Variants in ARHGEF28 observed in about 807,000 individuals in gnomAD.
ARHGEF28 encodes the protein Rho guanine nucleotide exchange factor 28.
A neutral mutation model predicts 206.6 loss-of-function variants in ARHGEF28; 152 were observed. The observed-to-expected ratio is 0.74, with a 90% CI of 0.64 to 0.84. The LOEUF is 0.84. Among genes scored for constraint, ARHGEF28 ranks in the 40% least tolerant of loss-of-function variants. ARHGEF28 has a pLI of 0.00. For missense variants in ARHGEF28, 2,028 were observed against 2,073.2 expected (o/e 0.98, Z 0.42); for synonymous variants, 763 against 776.4 (o/e 0.98, Z 0.29).
intron 2 of ARHGEF28, among the ~76,000 whole-genome samples, chr5:73,728,479 G>A (rs1208118429): frequency 6.6e-6 from 1 of 152,128 alleles, no homozygotes; most frequent in Non-Finnish European, 1.5e-5. Context: ...TTTAAATTAT[G>A]AAATATTGGA....
intron 11 of ARHGEF28, among the ~76,000 whole-genome samples, chr5:73,842,278 T>C (rs1281196668): frequency 6.6e-6 from 1 of 152,206 alleles, no homozygotes; most frequent in Non-Finnish European, 1.5e-5. Flanking sequence ...TATGTGACTA[T>C]GTATATAAAT....
chr5:73,886,483 TC>T (rs1235020366), intron 25 of ARHGEF28, among the ~76,000 whole-genome samples: 1 of 152,228 alleles, frequency 6.6e-6, no homozygotes, highest in Non-Finnish European at 1.5e-5. Context: ...CCTAGGGCTG[TC>T]AGACAATGGA....
chr5:73,682,451 CT>C (rs1747171365), intron 1 of ARHGEF28, among the ~76,000 whole-genome samples: 1 of 144,476 alleles, frequency 6.9e-6, no homozygotes, highest in Non-Finnish European at 1.5e-5. Flanking sequence ...GAGTTTCACT[CT>C]TATTGCCCAG....
intron 4 of ARHGEF28, 102 bp downstream of exon 4, chr5:73,753,304 C>G (rs777508900): frequency 8.8e-6 from 11 of 1,248,004 alleles, no homozygotes; most frequent in Non-Finnish European, 1.2e-5. Flanking sequence ...TTCCTGCCCA[C>G]TTTTTACCTG....
At chr5:73,845,986 C>CAAAAAA (rs57600570) in intron 11 of ARHGEF28, among the ~76,000 whole-genome samples, 13 of 63,752 alleles carry the variant, frequency 2.0e-4, no homozygotes, top group East Asian at 5.0e-4. Context: ...AAAACTGTCT[C>CAAAAAA]AAAAAAAAAA....
chr5:73,891,255 CA>C (rs982529869), intron 26 of ARHGEF28, among the ~76,000 whole-genome samples: 22 of 152,120 alleles, frequency 1.4e-4, no homozygotes, highest in African/African-American at 5.3e-4. Context: ...CCTGGGGAAT[CA>C]AAGGTCTTGC....
chr5:73,825,301 G>A (rs974327481), intron 9 of ARHGEF28, among the ~76,000 whole-genome samples: 1 of 152,244 alleles, frequency 6.6e-6, no homozygotes, highest in African/African-American at 2.4e-5. Context: ...CTGGGGCAGA[G>A]ATGAGAAGAA....
intron 33 of ARHGEF28, among the ~76,000 whole-genome samples, chr5:73,906,329 C>T (rs765976996): frequency 6.6e-6 from 1 of 152,172 alleles, no homozygotes; most frequent in Non-Finnish European, 1.5e-5. Flanking sequence ...ACCTCTGTCT[C>T]CCAGGCTGAA....
intron 35 of ARHGEF28, among the ~76,000 whole-genome samples, chr5:73,939,402 T>C (rs1245261137): frequency 1.3e-5 from 2 of 152,200 alleles, no homozygotes; most frequent in East Asian, 1.9e-4. Flanking sequence ...GAATCAAGCT[T>C]TGTGCCTATT....
chr5:73,691,221 T>A (rs1747809845), intron 2 of ARHGEF28, among the ~76,000 whole-genome samples: 1 of 152,202 alleles, frequency 6.6e-6, no homozygotes, highest in Non-Finnish European at 1.5e-5. Flanking sequence ...TGAGCCACTG[T>A]GCCCAGTGAA....
At position 73,776,694 on chromosome 5, in the gene ARHGEF28, A is replaced by G; in HGVS notation, c.838A>G (p.Lys280Glu). Reference sequence around the variant, plus strand: ...CTTTTGGGATAGAGCCTTTCTTGTCAAGGTTTGTACATAGTGATTCTAGCA... The same window carrying G: ...CTTTTGGGATAGAGCCTTTCTTGTCGAGGTTTGTACATAGTGATTCTAGCA... ...KYFWDRAFLVKAFEPEARPEE... is the reference protein window; with the variant it reads ...KYFWDRAFLVEAFEPEARPEE... The change falls in exon 6 of 36, where the codon AAG (lysine) becomes GAG (glutamate). Residue 280 changes from lysine to glutamate, a missense_variant and splice_region_variant. Physicochemically the swap from Lys to Glu is moderately conservative, Grantham distance 56 (BLOSUM62 1). Transcript: ENST00000513042. The G allele has an allele frequency of 6.2e-7, 1 of 1,612,478 alleles. No individual in the cohort carries two copies. The highest frequency in any genetic ancestry group is 8.5e-7 in the Non-Finnish European group (1 of 1,178,912).
chr5:73,883,550 T>C (rs1761085466), intron 23 of ARHGEF28, among the ~76,000 whole-genome samples: 2 of 152,198 alleles, frequency 1.3e-5, no homozygotes, highest in Non-Finnish European at 1.5e-5. Flanking sequence ...AATACATCAG[T>C]AACTTGAAAC....
rs78494681 is a variant in ARHGEF28 at position 73,729,245 on chromosome 5, C to T, written c.34-20592C>T. Among the ~76,000 whole-genome samples, 910 of 152,290 alleles carry T rather than the reference C, an allele frequency of 6.0e-3. 8 individuals are homozygous for T. Among genetic ancestry groups the T allele is most frequent in the African/African-American group, 0.021 (864 of 41,552 alleles). On this transcript the variant is annotated intron_variant, in intron 2 of 35. Transcript: ENST00000513042. Reference sequence around the variant, plus strand: ...TGTCAAATGAGGATTATAATAGACACCTACCTCAAAGGACTGTTGTGGGAT... The same window carrying T: ...TGTCAAATGAGGATTATAATAGACATCTACCTCAAAGGACTGTTGTGGGAT...
chr5:73,672,630 G>A (rs1746420908), intron 1 of ARHGEF28, among the ~76,000 whole-genome samples: 1 of 152,218 alleles, frequency 6.6e-6, no homozygotes, highest in Non-Finnish European at 1.5e-5. Context: ...TGCTAATGAG[G>A]AAATTGATAC....
intron 1 of ARHGEF28, among the ~76,000 whole-genome samples, chr5:73,649,523 C>T (rs1391660707): frequency 6.6e-6 from 1 of 152,230 alleles, no homozygotes; most frequent in African/African-American, 2.4e-5. Context: ...CTTGTTCTAT[C>T]AATCACGAAA....
intron 1 of ARHGEF28, among the ~76,000 whole-genome samples, chr5:73,635,781 A>G (rs919809605): frequency 1.3e-5 from 2 of 152,214 alleles, no homozygotes; most frequent in Non-Finnish European, 2.9e-5. Context: ...TTGCTTTTAT[A>G]GCAGTTATCA....
intron 35 of ARHGEF28, among the ~76,000 whole-genome samples, chr5:73,921,694 A>C (rs922057666): frequency 6.6e-6 from 1 of 152,136 alleles, no homozygotes; most frequent in Non-Finnish European, 1.5e-5. Context: ...TTTTCTTTCT[A>C]AAACATAACA....
At chr5:73,682,839 C>T (rs1028063942) in intron 1 of ARHGEF28, among the ~76,000 whole-genome samples, 2 of 152,184 alleles carry the variant, frequency 1.3e-5, no homozygotes. Context: ...ACCTGGGAGG[C>T]GGAGGTTGCA....
At chr5:73,639,193 C>G (rs1250024768) in intron 1 of ARHGEF28, among the ~76,000 whole-genome samples, 8 of 150,062 alleles carry the variant, frequency 5.3e-5, no homozygotes, top group Admixed American at 3.3e-4. Flanking sequence ...TCAGTCACCT[C>G]TTGAGAGATT....
Sources: allele counts gnomAD v4.1 joint callset (sites outside exome capture counted in the v4.1 genomes callset), GRCh38; gene constraint gnomAD v4.1.1; transcripts MANE v1.5; gene names NCBI Gene and HGNC (gene_info 2026-07-23, HGNC 2026-07-21).